The following TRAF1 variants were observed in gnomAD, a reference collection of about 807,000 sequenced individuals.
TRAF1 encodes the protein TNF receptor-associated factor 1.
A neutral mutation model predicts 40.9 loss-of-function variants in TRAF1; 23 were observed. The observed-to-expected ratio is 0.56, with a 90% confidence interval of 0.40 to 0.80. The LOEUF (loss-of-function observed/expected upper bound fraction) is 0.80, where lower values mean the gene tolerates loss of function less well. Ranked by LOEUF, TRAF1 falls within the 30% of genes least tolerant of loss-of-function variation. The probability of loss-of-function intolerance (pLI) is 0.00; values close to 1 mark genes in which losing one functional copy is unlikely to be tolerated. For missense variants in TRAF1, 477 were observed against 528.7 expected, an observed-to-expected ratio of 0.90 and a Z score of 0.96; for synonymous variants, 206 against 218.8, an observed-to-expected ratio of 0.94 and a Z score of 0.52.
chr9:120,918,215 T>C (rs1205679038), intron 3 of TRAF1, among the ~76,000 whole-genome samples: 4 of 152,112 alleles, frequency 2.6e-5, no homozygotes, highest in African/African-American at 7.2e-5. Flanking sequence ...GGCAAATGCA[T>C]AGAGCCATGT....
chr9:120,913,645 G>T lies in TRAF1; in HGVS notation c.388C>A (p.Leu130Met). The change falls in exon 5 of 8, where the codon CTG becomes ATG. Residue 130 changes from leucine to methionine, a missense_variant. Leu to Met is a conservative substitution (Grantham distance 15). Transcript: ENST00000373887. ...GGCCCAGACTCCAGGCCACAGCCCA[G>T]CCGGGCCTTCCACTGTTTCATGAAC... ...LGFMKQWKAR[L>M]GCGLESGPMA... The T allele has an allele frequency of 6.2e-7, 1 of 1,613,608 alleles. No individual in the cohort carries two copies. Among genetic ancestry groups the T allele is most frequent in the Non-Finnish European group, 8.5e-7 (1 of 1,179,770 alleles).
Position 120,926,313 on chromosome 9 carries a change from T to C in TRAF1, c.-226-12A>G. ...ATGGTGACTGAAGGCTTTAGGAGTG[T>C]CCAGTCATTTTTTTTTTTTTTTAGA... On this transcript the variant is annotated splice_polypyrimidine_tract_variant and intron_variant, in intron 1 of 7. Transcript: ENST00000373887. The C allele has an allele frequency of 5.3e-6, 2 of 378,602 alleles. No individual in the cohort carries two copies. Among genetic ancestry groups the C allele is most frequent in the Non-Finnish European group, 9.2e-6 (2 of 217,252 alleles). 23.5% of individuals were successfully genotyped at this position (378,602 alleles called of 1,614,324 possible). A position where few individuals can be genotyped will look rare whatever the true frequency, so the allele number is the denominator to read the frequency against.
Position 120,913,703 on chromosome 9 carries a change from G to C in TRAF1, c.330C>G (p.Thr110=). The change falls in exon 5 of 8, where the codon ACC becomes ACG. Residue 110 remains threonine, a synonymous_variant. Transcript: ENST00000373887. ...GCAGGTTTAGGTGGGAGGTCTGGGAGGTGACCTCATGCTCTTGCACAGACT... is the reference window on the plus strand; with the variant it reads ...GCAGGTTTAGGTGGGAGGTCTGGGACGTGACCTCATGCTCTTGCACAGACT... ...SPQSVQEHEV[T]SQTSHLNLLL... 2 of 1,603,404 alleles carry C rather than the reference G, an allele frequency of 1.2e-6. No homozygotes were observed. Among genetic ancestry groups the C allele is most frequent in the Non-Finnish European group, 1.7e-6 (2 of 1,173,508 alleles).
Position 120,903,827 on chromosome 9 carries a change from A to C in TRAF1, c.*1193T>G, listed in dbSNP as rs1373749936. The C allele has an allele frequency of 6.6e-6, 1 of 152,238 alleles. No individual in the cohort carries two copies. Among genetic ancestry groups the C allele is most frequent in the Non-Finnish European group, 1.5e-5 (1 of 68,058 alleles). The allele number at this position is 152,238 out of a possible 1,614,324, so 9.4% of individuals were successfully genotyped here. On this transcript the variant is annotated 3_prime_UTR_variant, in exon 8 of 8. Coordinates refer to ENST00000373887, the MANE Select transcript of TRAF1 (RefSeq NM_005658.5). ...TATAGAAAAGAGAAGACTGGGGCTA[A>C]GAGGGGATGTTCCTGCCAGCATGCC...
Position 120,911,304 on chromosome 9 carries a change from A to G in TRAF1, c.883+32T>C, listed in dbSNP as rs773276257. The G allele has an allele frequency of 8.7e-6, 14 of 1,603,688 alleles. No homozygotes were observed. In the South Asian group the frequency reaches 1.4e-4, roughly 17 times the overall value. On this transcript the variant is annotated intron_variant, in intron 6 of 7. Coordinates refer to ENST00000373887, the MANE Select transcript of TRAF1 (RefSeq NM_005658.5). ...TGGGTCCTGTGGGGCCTGTTTCCCC[A>G]GGCAGGTCTCTGTGCCCCTGGGAGG...
intron 3 of TRAF1, among the ~76,000 whole-genome samples, chr9:120,915,643 G>T (rs1336884188): frequency 6.6e-6 from 1 of 151,976 alleles, no homozygotes; most frequent in Non-Finnish European, 1.5e-5. Context: ...GACAGCCTGG[G>T]CAACATAATG....
chr9:120,921,741 A>AGG (rs2046607127), intron 3 of TRAF1, among the ~76,000 whole-genome samples: 1 of 152,112 alleles, frequency 6.6e-6, no homozygotes, highest in Non-Finnish European at 1.5e-5. Flanking sequence ...GCCGATGGAG[A>AGG]GGTTGCTGAG....
chr9:120,924,276 A>G (rs935812181), intron 2 of TRAF1, among the ~76,000 whole-genome samples: 2 of 152,152 alleles, frequency 1.3e-5, no homozygotes, highest in Non-Finnish European at 2.9e-5. Flanking sequence ...TTATATGTTT[A>G]GTAATTACAG....
Position 120,911,520 on chromosome 9 carries a change from GGAA to G in TRAF1, c.706-10_706-8del. On this transcript the variant is annotated splice_polypyrimidine_tract_variant and splice_region_variant and intron_variant, in intron 5 of 7. Coordinates refer to ENST00000373887, the MANE Select transcript of TRAF1 (RefSeq NM_005658.5). ...TCTGCTGAAGCTCCACCACCTGTAGGGAAGACTGTTCAGCCAGGAACACCAGAA... is the reference window on the plus strand; with the variant it reads ...TCTGCTGAAGCTCCACCACCTGTAGGGACTGTTCAGCCAGGAACACCAGAA... 1.2e-6 allele frequency: 2 copies of G among 1,606,582 alleles called. No homozygotes were observed. The highest frequency in any genetic ancestry group is 1.7e-6 in the Non-Finnish European group (2 of 1,174,828).
At position 120,902,402 on chromosome 9, in the gene TRAF1, C is replaced by T. The variant is rs1330781561; in HGVS notation, c.*2618G>A. 1 of 151,096 alleles carries T rather than the reference C, an allele frequency of 6.6e-6. No individual in the cohort carries two copies. The highest frequency in any genetic ancestry group is 2.4e-5 in the African/African-American group (1 of 41,106). 9.4% of individuals were successfully genotyped at this position (151,096 alleles called of 1,614,324 possible). ...AATGTCACATCTTTGATGCACTTAA[C>T]ATAGAGCTTTGTTGGAAAAGAAATC... On this transcript the variant is annotated 3_prime_UTR_variant, in exon 8 of 8. Coordinates refer to ENST00000373887, the MANE Select transcript of TRAF1 (RefSeq NM_005658.5).
chr9:120,911,661 C>G (rs1295961948), intron 5 of TRAF1, 148 bp from the exon 6 acceptor site: 8 of 901,872 alleles, frequency 8.9e-6, no homozygotes, highest in South Asian at 7.1e-5. Flanking sequence ...TGTGCTGCCC[C>G]CTGCCTGGCC....
chr9:120,912,577 A>T (rs1029251491), intron 5 of TRAF1, among the ~76,000 whole-genome samples: 1 of 152,030 alleles, frequency 6.6e-6, no homozygotes, highest in African/African-American at 2.4e-5. Flanking sequence ...GAATCGCTTG[A>T]ACCTGGGAGT....
chr9:120,910,721 A>G (rs1008560375), intron 6 of TRAF1, among the ~76,000 whole-genome samples: 1 of 152,228 alleles, frequency 6.6e-6, no homozygotes, highest in Non-Finnish European at 1.5e-5. Context: ...TTGCACAAAT[A>G]TATGCACTGT....
chr9:120,921,073 G>T (rs2046601586), intron 3 of TRAF1, among the ~76,000 whole-genome samples: 1 of 152,068 alleles, frequency 6.6e-6, no homozygotes. Context: ...ACTCCACGAG[G>T]TGGGGAAGCC....
At position 120,905,200 on chromosome 9, in the gene TRAF1, G is replaced by A. The variant is rs377159992; in HGVS notation, c.1071C>T (p.His357=). ...FMLLDQNNRE[H]AIDAFRPDLS... is the part of the protein sequence containing the mutation. ...GGTCAGGCCGGAAGGCGTCAATGGC[G>A]TGCTCACGGTTGTTCTGGTCCAGCA... Residue 357 remains histidine, a synonymous_variant, in exon 8 of 8, where the codon CAC becomes CAT. Coordinates refer to ENST00000373887, the MANE Select transcript of TRAF1 (RefSeq NM_005658.5). The A allele has an allele frequency of 3.5e-5, 56 of 1,613,456 alleles. No homozygotes were observed. Among genetic ancestry groups the A allele is most frequent in the African/African-American group, 9.3e-5 (7 of 74,944 alleles).
chr9:120,906,261 C>G (rs146960485), intron 7 of TRAF1, among the ~76,000 whole-genome samples: 1,644 of 149,384 alleles, frequency 0.011, 22 homozygotes, highest in African/African-American at 0.039. Flanking sequence ...CTAACTGCAA[C>G]CTCTGCCTCC....
chr9:120,914,962 T>C, intron 3 of TRAF1, among the ~76,000 whole-genome samples: 1 of 151,986 alleles, frequency 6.6e-6, no homozygotes, highest in East Asian at 1.9e-4. Flanking sequence ...TACAGCATGG[T>C]GGGGAAGAGA....
Position 120,913,706 on chromosome 9 carries a change from G to A in TRAF1, c.327C>T (p.Val109=). The change falls in exon 5 of 8, where the codon GTC becomes GTT. Residue 109 remains valine (V), a synonymous_variant. Transcript: ENST00000373887. ...GGTTTAGGTGGGAGGTCTGGGAGGT[G>A]ACCTCATGCTCTTGCACAGACTGTG... ...GSPQSVQEHE[V]TSQTSHLNLL... 6.2e-7 allele frequency: 1 copy of A among 1,601,836 alleles called. No homozygotes were observed. The highest frequency in any genetic ancestry group is 8.5e-7 in the Non-Finnish European group (1 of 1,172,644).
intron 6 of TRAF1, among the ~76,000 whole-genome samples, chr9:120,910,863 T>C (rs2046521134): frequency 6.6e-6 from 1 of 152,228 alleles, no homozygotes. Context: ...ATATGCTACC[T>C]GCAATCATAC....
Sources: gnomAD v4.1 joint callset for allele counts (sites outside exome capture counted in the v4.1 genomes callset) on GRCh38, gnomAD v4.1.1 for gene constraint, MANE v1.5 for transcripts, NCBI Gene and HGNC (gene_info 2026-07-23, HGNC 2026-07-21) for gene names.